RIMS1: variants seen among roughly 807,000 people sequenced by gnomAD.
RIMS1 encodes the protein regulating synaptic membrane exocytosis 1, also known as regulating synaptic membrane exocytosis protein 1.
A neutral mutation model predicts 214.1 loss-of-function variants in RIMS1; 83 were observed. The ratio of observed to expected loss-of-function variants is 0.39; its 90% CI spans 0.32 to 0.47. RIMS1 has a LOEUF of 0.47. Among genes scored for constraint, RIMS1 ranks in the 20% least tolerant of loss-of-function variants. The pLI is 0.99. For synonymous variants in RIMS1, 793 were observed against 786.8 expected (o/e 1.01, Z -0.13); for missense variants, 2,050 against 2,161.8 (o/e 0.95, Z 1.03).
chr6:71,993,978 GTGAT>G (rs1802644488), intron 2 of RIMS1, among the ~76,000 whole-genome samples: 1 of 152,106 alleles, frequency 6.6e-6, no homozygotes, highest in Non-Finnish European at 1.5e-5. Flanking sequence ...TATTCTCACT[GTGAT>G]TTTTTGCAGT....
rs145428976 is a variant in RIMS1, at chr6:71,931,399, A to G, written c.165-37584A>G. On this transcript the variant is annotated intron_variant, in intron 1 of 33. Transcript: ENST00000521978. Reference sequence around the variant, plus strand: ...GGAATTTAAAAATAGCCATTTGCAGATATATTGAATTATCTGTCATCTAAT... The same window carrying G: ...GGAATTTAAAAATAGCCATTTGCAGGTATATTGAATTATCTGTCATCTAAT... Among the ~76,000 whole-genome samples the G allele has an allele frequency of 1.8e-4, 27 of 152,190 alleles. 1 individual carries two copies. Among genetic ancestry groups the G allele is most frequent in the African/African-American group, 6.3e-4 (26 of 41,568 alleles).
intron 1 of RIMS1, among the ~76,000 whole-genome samples, chr6:71,891,135 C>G (rs1031413214): frequency 1.6e-5 from 2 of 125,218 alleles, no homozygotes; most frequent in African/African-American, 2.7e-5. Flanking sequence ...TGGGGCTTCA[C>G]CTATACTCTT....
chr6:72,296,403 GC>G (rs1474453722), intron 26 of RIMS1, among the ~76,000 whole-genome samples: 1 of 151,746 alleles, frequency 6.6e-6, no homozygotes, highest in East Asian at 1.9e-4. Context: ...GAATGTTCTG[GC>G]CCTGGCTGCA....
At chr6:72,346,919 T>A (rs988040441) in intron 29 of RIMS1, among the ~76,000 whole-genome samples, 4 of 151,878 alleles carry the variant, frequency 2.6e-5, no homozygotes, top group East Asian at 1.9e-4. Context: ...AAGGAGAACA[T>A]TCCTTAAGGT....
At chr6:72,087,724 G>A (rs942372490) in intron 2 of RIMS1, among the ~76,000 whole-genome samples, 2 of 152,024 alleles carry the variant, frequency 1.3e-5, no homozygotes, top group East Asian at 3.9e-4. Flanking sequence ...ATTGTGCTTT[G>A]TTTTCAGGAT....
At chr6:72,096,354 C>A (rs1012006398) in intron 2 of RIMS1, among the ~76,000 whole-genome samples, 6 of 152,148 alleles carry the variant, frequency 3.9e-5, no homozygotes, top group African/African-American at 1.2e-4. Context: ...TACTTGATCC[C>A]AAATAGATAA....
At chr6:72,346,238 GTAGA>G (rs972957399) in intron 29 of RIMS1, among the ~76,000 whole-genome samples, 1 of 151,896 alleles carries the variant, frequency 6.6e-6, no homozygotes, top group South Asian at 2.1e-4. Context: ...ACAAGGGTAA[GTAGA>G]TAAAGAAAAG....
intron 2 of RIMS1, among the ~76,000 whole-genome samples, chr6:72,084,034 A>G (rs1040295360): frequency 2.0e-5 from 3 of 152,220 alleles, no homozygotes; most frequent in Non-Finnish European, 4.4e-5. Context: ...AGCAAAGGCA[A>G]TGTTTACAGT....
chr6:72,059,267 C>T (rs571640333), intron 2 of RIMS1, among the ~76,000 whole-genome samples: 20 of 152,182 alleles, frequency 1.3e-4, no homozygotes, highest in Non-Finnish European at 2.5e-4. Context: ...CGCTCTGTTG[C>T]CCACGCTGCA....
At chr6:71,982,859 A>G (rs1798844171) in intron 2 of RIMS1, among the ~76,000 whole-genome samples, 2 of 152,174 alleles carry the variant, frequency 1.3e-5, no homozygotes, top group African/African-American at 4.8e-5. Context: ...CTTTAGGTCC[A>G]ATAGTCCATG....
At chr6:72,175,453 A>G in intron 4 of RIMS1, 1 of 325,594 alleles carries the variant, frequency 3.1e-6, no homozygotes, top group Non-Finnish European at 6.0e-6. Context: ...AGGGTGGATC[A>G]CCTGAGGTCA....
chr6:71,949,408 A>G (rs1369430508), intron 1 of RIMS1, among the ~76,000 whole-genome samples: 1 of 152,188 alleles, frequency 6.6e-6, no homozygotes, highest in Non-Finnish European at 1.5e-5. Context: ...ATCATTAAAT[A>G]CATTTTTTGC....
intron 2 of RIMS1, among the ~76,000 whole-genome samples, chr6:72,096,605 CTG>C (rs2031810519): frequency 6.6e-6 from 1 of 152,138 alleles, no homozygotes; most frequent in African/African-American, 2.4e-5. Flanking sequence ...GCACACATGA[CTG>C]TAGTTGTAAA....
chr6:72,341,190 G>A (rs922333710), intron 29 of RIMS1, among the ~76,000 whole-genome samples: 10 of 152,036 alleles, frequency 6.6e-5, no homozygotes, highest in South Asian at 4.1e-4. Flanking sequence ...GGGCTGAGAC[G>A]ACGGGGTTTT....
At chr6:71,944,522 A>T (rs1167746038) in intron 1 of RIMS1, among the ~76,000 whole-genome samples, 1 of 152,134 alleles carries the variant, frequency 6.6e-6, no homozygotes, top group African/African-American at 2.4e-5. Flanking sequence ...AATATTAGAA[A>T]ATGTACAGTT....
At chr6:71,901,543 C>A (rs140677818) in intron 1 of RIMS1, among the ~76,000 whole-genome samples, 5 of 152,156 alleles carry the variant, frequency 3.3e-5, no homozygotes, top group African/African-American at 1.2e-4. Flanking sequence ...TGATTCCATT[C>A]ATATGAAGCT....
chr6:71,933,352 G>GA (rs1487039850), intron 1 of RIMS1, among the ~76,000 whole-genome samples: 4 of 151,980 alleles, frequency 2.6e-5, no homozygotes, highest in African/African-American at 4.8e-5. Flanking sequence ...CTCCCCAGTT[G>GA]ACTCTGATCT....
intron 4 of RIMS1, among the ~76,000 whole-genome samples, chr6:72,122,663 T>C (rs569414233): frequency 2.0e-5 from 3 of 151,834 alleles, no homozygotes; most frequent in Admixed American, 6.6e-5. Flanking sequence ...AGCCTGTTAT[T>C]GGTGTATTCA....
chr6:71,894,263 G>T lies in RIMS1; in HGVS notation c.164+7076G>T, dbSNP rs1222753625. Among the ~76,000 whole-genome samples the T allele has an allele frequency of 2.0e-5, 3 of 152,076 alleles. No individual in the cohort carries two copies. The East Asian group carries it at 5.8e-4, about 29-fold the overall frequency. The stretch of plus-strand genomic sequence containing the variant: ...AGTTTGAGACCAGCCTGGCCAACAT[G>T]GTAAAACCCCGTCTCTACTAAAAAT... On this transcript the variant is annotated intron_variant, in intron 1 of 33. Transcript: ENST00000521978.
Sources: allele counts gnomAD v4.1 joint callset (sites outside exome capture counted in the v4.1 genomes callset), GRCh38; gene constraint gnomAD v4.1.1; transcripts MANE v1.5; gene names NCBI Gene and HGNC (gene_info 2026-07-23, HGNC 2026-07-21).